Variants in KAZN observed in about 807,000 individuals in gnomAD.
The protein encoded by KAZN is kazrin.
A neutral mutation model predicts 87.4 loss-of-function variants in KAZN; 40 were observed. That is an observed-to-expected ratio of 0.46 (90% CI 0.36 to 0.60). The LOEUF is 0.60. KAZN is among the 20% of genes least tolerant of loss of function. The pLI, the probability that KAZN is intolerant of heterozygous loss-of-function variation, is 0.00. For synonymous variants in KAZN, 466 were observed against 458.3 expected, an observed-to-expected ratio of 1.02 and a Z score of -0.22; for missense variants, 898 against 1,073.9, an observed-to-expected ratio of 0.84 and a Z score of 2.29.
intron 1 of KAZN, among the ~76,000 whole-genome samples, chr1:14,013,155 T>C (rs1640397741): frequency 6.6e-6 from 1 of 152,220 alleles, no homozygotes; most frequent in Non-Finnish European, 1.5e-5. Context: ...TTTTCTCTAA[T>C]GATGTGGTTT....
At chr1:14,183,796 C>A (rs909641353) in intron 2 of KAZN, among the ~76,000 whole-genome samples, 3 of 152,084 alleles carry the variant, frequency 2.0e-5, no homozygotes, top group Non-Finnish European at 4.4e-5. Flanking sequence ...GGAAGGTCCC[C>A]CTCTTGAAGG....
chr1:14,681,802 T>G (rs1330827810), intron 1 of KAZN, among the ~76,000 whole-genome samples: 1 of 147,230 alleles, frequency 6.8e-6, no homozygotes, highest in Non-Finnish European at 1.5e-5. Flanking sequence ...GCCATTCTCC[T>G]GCCTCAGCAT....
intron 1 of KAZN, among the ~76,000 whole-genome samples, chr1:14,760,623 ATGTAAGACCCTC>A (rs1644714057): frequency 6.6e-6 from 1 of 152,138 alleles, no homozygotes; most frequent in Non-Finnish European, 1.5e-5. Context: ...TCAATCCAAT[ATGTAAGACCCTC>A]TGGTGGCTAC....
intron 1 of KAZN, among the ~76,000 whole-genome samples, chr1:14,916,755 A>T (rs1657858995): frequency 6.6e-6 from 1 of 152,000 alleles, no homozygotes; most frequent in African/African-American, 2.4e-5. Context: ...CTACAAAAAA[A>T]ATTAAAAATT....
intron 2 of KAZN, among the ~76,000 whole-genome samples, chr1:14,182,054 C>G (rs495937): frequency 0.17 from 25,694 of 152,022 alleles, 3,038 homozygotes; most frequent in African/African-American, 0.33. Context: ...GTGCCTAATT[C>G]ATTAGAGAGC....
chr1:14,064,436 T>C (rs1409380328), intron 1 of KAZN, among the ~76,000 whole-genome samples: 1 of 152,162 alleles, frequency 6.6e-6, no homozygotes, highest in Non-Finnish European at 1.5e-5. Context: ...CCCAGGTCAC[T>C]CTGCTGCAGC....
chr1:14,484,108 T>C (rs1049634627), intron 2 of KAZN, among the ~76,000 whole-genome samples: 6 of 152,258 alleles, frequency 3.9e-5, no homozygotes. Flanking sequence ...TTCTATTCTG[T>C]TCTGACGGTC....
At chr1:14,321,456 G>A (rs1209459843) in intron 2 of KAZN, among the ~76,000 whole-genome samples, 1 of 152,102 alleles carries the variant, frequency 6.6e-6, no homozygotes, top group Non-Finnish European at 1.5e-5. Context: ...ATAACATTGA[G>A]GGTATTTAAT....
At chr1:14,392,309 G>A (rs1453159212) in intron 2 of KAZN, among the ~76,000 whole-genome samples, 1 of 152,180 alleles carries the variant, frequency 6.6e-6, no homozygotes, top group Non-Finnish European at 1.5e-5. Flanking sequence ...AGCATATCTA[G>A]TAATGACTCA....
chr1:14,475,957 GAGA>G (rs1427001641), intron 2 of KAZN, among the ~76,000 whole-genome samples: 1 of 152,184 alleles, frequency 6.6e-6, no homozygotes, highest in Non-Finnish European at 1.5e-5. Flanking sequence ...GGGGAAAGAA[GAGA>G]AGGAGGATTG....
intron 2 of KAZN, among the ~76,000 whole-genome samples, chr1:14,475,120 GTAGA>G (rs771661578): frequency 7.9e-5 from 12 of 152,140 alleles, no homozygotes; most frequent in African/African-American, 1.2e-4. Flanking sequence ...TGGATGGATG[GTAGA>G]TAGATATTGA....
intron 14 of KAZN, 190 bp from the exon 15 acceptor site, chr1:15,114,281 C>A: frequency 1.8e-6 from 1 of 566,554 alleles, no homozygotes; most frequent in Non-Finnish European, 3.2e-6. Flanking sequence ...AAGCTCTCCC[C>A]TAATGGTCAT....
In KAZN at chr1:15,077,498, C is replaced by T. The variant is rs1639810814; in HGVS notation, c.1222+11745C>T. On this transcript the variant is annotated intron_variant, in intron 8 of 14. Coordinates refer to ENST00000376030, the MANE Select transcript of KAZN (RefSeq NM_201628.3). This position sits in a 1 kb window ranked among gnomAD's most constrained non-coding sequence, Gnocchi z 4.8. ...CAGTGGAGAAGGGAAAAGGGGTCTT[C>T]GCTCAGCACTGCCCTCGGAGGCCTT... Among the ~76,000 whole-genome samples, 3 of 152,222 alleles carry T rather than the reference C, an allele frequency of 2.0e-5. No individual in the cohort carries two copies. The highest frequency in any genetic ancestry group is 2.1e-4 in the South Asian group (1 of 4,836).
intron 2 of KAZN, among the ~76,000 whole-genome samples, chr1:14,509,794 C>T (rs760048086): frequency 3.3e-5 from 5 of 151,878 alleles, no homozygotes; most frequent in East Asian, 1.9e-4. Context: ...CAGAGTGATG[C>T]GGTATAGAGG....
chr1:14,073,022 A>G (rs527637759), intron 1 of KAZN, among the ~76,000 whole-genome samples: 10 of 152,308 alleles, frequency 6.6e-5, no homozygotes, highest in Non-Finnish European at 1.3e-4. Context: ...TTACTCCTTC[A>G]GGTCATGGTG....
In KAZN at chr1:14,306,712, G is replaced by A. The variant is rs144664765; in HGVS notation, c.249+126120G>A. 2.3e-4 allele frequency among the ~76,000 whole-genome samples: 35 copies of A among 152,216 alleles called. No individual in the cohort carries two copies. In the East Asian group the frequency reaches 6.6e-3, roughly 29 times the overall value. The stretch of plus-strand genomic sequence containing the variant: ...TGTTCAGAATAATGAGCAGCCAATC[G>A]CAGACCATGAGGTGATGGGTGAGCT... On this transcript the variant is annotated intron_variant, in intron 2 of 16. Coordinates refer to the KAZN transcript ENST00000636203.
chr1:14,743,734 C>T (rs1644182371), intron 1 of KAZN, among the ~76,000 whole-genome samples: 3 of 152,180 alleles, frequency 2.0e-5, no homozygotes, highest in Admixed American at 1.3e-4. Context: ...CCCTCCACTA[C>T]TCCCTGCTGT....
In KAZN at chr1:15,014,176, G is replaced by C. The variant is rs182054955; in HGVS notation, c.419-20573G>C. Among the ~76,000 whole-genome samples, 281 of 152,144 alleles carry C rather than the reference G, an allele frequency of 1.8e-3. 2 individuals carry two copies. The highest frequency in any genetic ancestry group is 6.3e-3 in the African/African-American group (262 of 41,462). On this transcript the variant is annotated intron_variant, in intron 2 of 14. Coordinates refer to ENST00000376030, the MANE Select transcript of KAZN (RefSeq NM_201628.3). ...GAATCCTTCAGGCCACCTCTACCCA[G>C]GTACCCCCAGAGCCATCCACACCTG... is the stretch of plus-strand genomic sequence containing the variant.
At chr1:14,615,731 C>A (rs1425679348) in intron 1 of KAZN, among the ~76,000 whole-genome samples, 1 of 152,176 alleles carries the variant, frequency 6.6e-6, no homozygotes, top group Admixed American at 6.5e-5. Flanking sequence ...GCTTCGCCAC[C>A]AGCCTCCGCA....
Sources: allele counts gnomAD v4.1 joint callset (sites outside exome capture counted in the v4.1 genomes callset), GRCh38; gene constraint gnomAD v4.1.1; non-coding constraint Gnocchi (gnomAD v3.1); transcripts MANE v1.5; gene names NCBI Gene and HGNC (gene_info 2026-07-23, HGNC 2026-07-21).